The following RAB10 variants were observed in gnomAD, a reference collection of about 807,000 sequenced individuals.
RAB10 encodes the protein ras-related protein Rab-10.
In RAB10, 5 loss-of-function variants were observed where a neutral mutation model predicts 25.7. The ratio of observed to expected loss-of-function variants is 0.19; its 90% CI spans 0.10 to 0.41. The LOEUF is 0.41. RAB10 is among the 10% of genes least tolerant of loss of function. RAB10 has a pLI of 1.00. For missense variants in RAB10, 103 were observed against 245.8 expected (o/e 0.42, Z 3.89); for synonymous variants, 89 against 86.4 (o/e 1.03, Z -0.16).
At chr2:26,061,897 T>G (rs1355888516) in intron 1 of RAB10, among the ~76,000 whole-genome samples, 1 of 151,628 alleles carries the variant, frequency 6.6e-6, no homozygotes, top group African/African-American at 2.4e-5. Flanking sequence ...GCTGGCTAAT[T>G]TTTTTTTATA....
chr2:26,135,559 T>G lies in RAB10; in HGVS notation c.*538T>G, dbSNP rs190036748. 5 of 152,846 alleles carry G rather than the reference T, an allele frequency of 3.3e-5. No individual in the cohort carries two copies. The highest frequency in any genetic ancestry group is 1.2e-4 in the African/African-American group (5 of 41,582). The allele number at this position is 152,846 out of a possible 1,614,324, so 9.5% of individuals were successfully genotyped here. A position where few individuals can be genotyped will look rare whatever the true frequency, so the allele number is the denominator to read the frequency against. ...TTATGTGGAAAGGAACTTCTTTGGT[T>G]TTCCTTTTTTGTTCTGGTGGAAGCA... On this transcript the variant is annotated 3_prime_UTR_variant, in exon 6 of 6. Coordinates refer to ENST00000264710, the MANE Select transcript of RAB10 (RefSeq NM_016131.5).
At chr2:26,052,638 A>G (rs528622470) in intron 1 of RAB10, among the ~76,000 whole-genome samples, 12 of 152,110 alleles carry the variant, frequency 7.9e-5, no homozygotes, top group Non-Finnish European at 1.3e-4. Flanking sequence ...CTGAGCAGCT[A>G]AAGGAACTTG....
chr2:26,052,067 A>C (rs1026004088), intron 1 of RAB10, among the ~76,000 whole-genome samples: 2 of 149,876 alleles, frequency 1.3e-5, no homozygotes, highest in African/African-American at 2.5e-5. Context: ...AAAAAAAAAA[A>C]AACAAAAAGT....
At chr2:26,038,810 T>C (rs1215515386) in intron 1 of RAB10, among the ~76,000 whole-genome samples, 2 of 150,648 alleles carry the variant, frequency 1.3e-5, no homozygotes, top group African/African-American at 2.4e-5. Flanking sequence ...TAGTCCCAGC[T>C]GCTCGGGAGG....
intron 2 of RAB10, among the ~76,000 whole-genome samples, chr2:26,103,152 G>A (rs1374812068): frequency 6.6e-6 from 1 of 152,182 alleles, no homozygotes; most frequent in African/African-American, 2.4e-5. Context: ...TAGAACCTGA[G>A]GATAAACTTA....
At chr2:26,059,232 C>A (rs1264242149) in intron 1 of RAB10, among the ~76,000 whole-genome samples, 1 of 152,196 alleles carries the variant, frequency 6.6e-6, no homozygotes, top group Non-Finnish European at 1.5e-5. Flanking sequence ...GGAGCCCCAA[C>A]AAACTTAAAG....
At position 26,034,248 on chromosome 2, in the gene RAB10, C is replaced by T; in HGVS notation, c.-361C>T. On this transcript the variant is annotated 5_prime_UTR_variant, in exon 1 of 6. Coordinates refer to ENST00000264710, the MANE Select transcript of RAB10 (RefSeq NM_016131.5). ...AGGGAGTTTCCGCTCGGGAGAGAGACTGTCCTCACGCCCGCTGCGCCTCCT... is the reference window on the plus strand; with the variant it reads ...AGGGAGTTTCCGCTCGGGAGAGAGATTGTCCTCACGCCCGCTGCGCCTCCT... 2 of 482,724 alleles carry T rather than the reference C, an allele frequency of 4.1e-6. No individual in the cohort carries two copies. Among genetic ancestry groups the T allele is most frequent in the East Asian group, 3.1e-5 (1 of 32,356 alleles). 29.9% of individuals were successfully genotyped at this position (482,724 alleles called of 1,614,324 possible).
chr2:26,103,023 A>G (rs1318236011), intron 2 of RAB10, among the ~76,000 whole-genome samples: 1 of 152,198 alleles, frequency 6.6e-6, no homozygotes. Flanking sequence ...GCATATTTTT[A>G]TGGAAAATAC....
chr2:26,105,721 C>A (rs1240858536), intron 2 of RAB10, among the ~76,000 whole-genome samples: 1 of 152,172 alleles, frequency 6.6e-6, no homozygotes, highest in Non-Finnish European at 1.5e-5. Flanking sequence ...TCATACAGTG[C>A]ATAATGATAT....
chr2:26,105,650 TAAAAAG>T (rs1181053036), intron 2 of RAB10, among the ~76,000 whole-genome samples: 1 of 151,518 alleles, frequency 6.6e-6, no homozygotes, highest in Admixed American at 6.6e-5. Flanking sequence ...AGGAAAAAAA[TAAAAAG>T]AAAAAAGAGA....
chr2:26,081,095 G>T (rs767337953), intron 1 of RAB10, among the ~76,000 whole-genome samples: 2 of 152,112 alleles, frequency 1.3e-5, no homozygotes, highest in African/African-American at 2.4e-5. Context: ...TTTAAAAATG[G>T]AAGTTTCCCT....
At chr2:26,051,873 A>G (rs1399769484) in intron 1 of RAB10, among the ~76,000 whole-genome samples, 1 of 151,756 alleles carries the variant, frequency 6.6e-6, no homozygotes, top group Non-Finnish European at 1.5e-5. Flanking sequence ...CCTGACCAAC[A>G]TGGTGAAACC....
At chr2:26,095,712 C>A (rs770201108) in intron 1 of RAB10, among the ~76,000 whole-genome samples, 5 of 151,746 alleles carry the variant, frequency 3.3e-5, no homozygotes, top group Non-Finnish European at 7.4e-5. Flanking sequence ...GGAGTTGGAG[C>A]ACCAGCCTGG....
At chr2:26,132,490 G>C (rs1220257308) in intron 5 of RAB10, among the ~76,000 whole-genome samples, 1 of 152,118 alleles carries the variant, frequency 6.6e-6, no homozygotes, top group Non-Finnish European at 1.5e-5. Context: ...CTGACCTCAG[G>C]GATCTGCCCA....
At position 26,049,387 on chromosome 2, in the gene RAB10, G is replaced by A. The variant is rs190447303; in HGVS notation, c.127+14652G>A. 4.1e-3 allele frequency among the ~76,000 whole-genome samples: 627 copies of A among 151,294 alleles called. 3 individuals are homozygous for A. The highest frequency in any genetic ancestry group is 0.015 in the African/African-American group (605 of 41,304). On this transcript the variant is annotated intron_variant, in intron 1 of 5. Coordinates refer to ENST00000264710, the MANE Select transcript of RAB10 (RefSeq NM_016131.5). ...TGACTCTTGCCGTAATTTACACTGC[G>A]CTTTCTGAAAGTTTTTTTTCCCTCT...
chr2:26,089,348 A>G (rs541715403), intron 1 of RAB10, among the ~76,000 whole-genome samples: 71 of 151,234 alleles, frequency 4.7e-4, no homozygotes, highest in African/African-American at 1.6e-3. Context: ...GCTTGAACCC[A>G]GGAGGTGGAG....
chr2:26,102,631 G>T (rs988619563), intron 2 of RAB10, among the ~76,000 whole-genome samples: 1 of 151,912 alleles, frequency 6.6e-6, no homozygotes, highest in Non-Finnish European at 1.5e-5. Context: ...GTAGAGACGG[G>T]GTTTCACCGT....
At chr2:26,037,089 T>C (rs1339245723) in intron 1 of RAB10, among the ~76,000 whole-genome samples, 1 of 152,194 alleles carries the variant, frequency 6.6e-6, no homozygotes, top group Non-Finnish European at 1.5e-5. Context: ...TGGTCAACTT[T>C]AACCTATCCT....
chr2:26,084,497 T>A (rs1279736906), intron 1 of RAB10, among the ~76,000 whole-genome samples: 1 of 152,172 alleles, frequency 6.6e-6, no homozygotes, highest in East Asian at 1.9e-4. Flanking sequence ...TAGTGTATTA[T>A]GTTTTGGTAC....
Sources: allele counts gnomAD v4.1 joint callset (sites outside exome capture counted in the v4.1 genomes callset), GRCh38; gene constraint gnomAD v4.1.1; transcripts MANE v1.5; gene names NCBI Gene and HGNC (gene_info 2026-07-23, HGNC 2026-07-21).